CD109: variants seen among roughly 807,000 people sequenced by gnomAD.
The protein encoded by CD109 is CD109 molecule.
In CD109, 149 loss-of-function variants were observed where a neutral mutation model predicts 165.8. The ratio of observed to expected loss-of-function variants is 0.90; its 90% confidence interval spans 0.79 to 1.03. The LOEUF (loss-of-function observed/expected upper bound fraction) is 1.03. CD109 is among the 50% of genes least tolerant of loss of function. The pLI is 0.00. For synonymous variants in CD109, 585 were observed against 592.1 expected (o/e 0.99, Z 0.18); for missense variants, 1,712 against 1,677.8 (o/e 1.02, Z -0.36).
At chr6:73,681,034 A>C in the CD109 span, among the ~76,000 whole-genome samples, 67 of 152,324 alleles carry the variant, frequency 4.4e-4, no homozygotes, top group African/African-American at 1.6e-3. Flanking sequence ...AAAGGAATAC[A>C]CAGCACAGGA....
chr6:73,803,281 T>A lies in CD109; in HGVS notation c.2940T>A (p.Tyr980Ter). 1 of 1,611,398 alleles carries A rather than the reference T, an allele frequency of 6.2e-7. No homozygotes were observed. Among genetic ancestry groups the A allele is most frequent in the Non-Finnish European group, 8.5e-7 (1 of 1,179,266 alleles). ...GCTCTTTCAGTGCTTTTGGGAATTATGACCCTTCTGGGAGCACTTGGTAAG... is the reference window on the plus strand; with the variant it reads ...GCTCTTTCAGTGCTTTTGGGAATTAAGACCCTTCTGGGAGCACTTGGTAAG... ...EDGSFSAFGNYDPSGSTWLSA... is the reference protein window; with the variant it reads ...EDGSFSAFGN The change falls in exon 24 of 33, where the codon TAT (tyrosine) becomes TAA (stop). Residue 980 changes from tyrosine to a stop codon, truncating the protein, a stop_gained. Transcript: ENST00000287097. LOFTEE classifies it high-confidence loss of function.
Position 73,771,575 on chromosome 6 carries a change from G to T in CD109, c.1821G>T (p.Met607Ile). 6.5e-7 allele frequency: 1 copy of T among 1,549,500 alleles called. No individual in the cohort carries two copies. The highest frequency in any genetic ancestry group is 8.7e-7 in the Non-Finnish European group (1 of 1,151,410). ...TGAATGCCTCTAATGATATTACAATGGAAAATGTGAGTTTAGCTATTTTTT... is the reference window on the plus strand; with the variant it reads ...TGAATGCCTCTAATGATATTACAATTGAAAATGTGAGTTTAGCTATTTTTT... ...NLMNASNDIT[M>I]ENVVHELELY... Residue 607 changes from methionine to isoleucine, a missense_variant, in exon 15 of 33, where the codon ATG becomes ATT. Physicochemically the swap from Met to Ile is conservative, Grantham distance 10 (BLOSUM62 1). Transcript: ENST00000287097.
chr6:73,761,014 A>AAC (rs577598100), intron 7 of CD109, among the ~76,000 whole-genome samples: 2,528 of 124,360 alleles, frequency 0.02, 23 homozygotes, highest in South Asian at 0.026. Context: ...ACTGTGTCTA[A>AAC]ACACACACAC....
At chr6:73,798,074 T>G (rs2150279571) in intron 23 of CD109, among the ~76,000 whole-genome samples, 1 of 151,788 alleles carries the variant, frequency 6.6e-6, no homozygotes, top group Admixed American at 6.6e-5. Context: ...GTTGTTGTAT[T>G]AACAACAAAC....
rs767352449 is a variant in CD109, at chr6:73,788,454, A to AT, written c.2557-7dup. ...AGTAGAGACCATGTTAATTGTGTTCATTTTTTTCAACAGGCTGAAGGAATA... is the reference window on the plus strand; with the variant it reads ...AGTAGAGACCATGTTAATTGTGTTCATTTTTTTTCAACAGGCTGAAGGAATA... On this transcript the variant is annotated splice_polypyrimidine_tract_variant and intron_variant, in intron 21 of 32. Coordinates refer to ENST00000287097, the MANE Select transcript of CD109 (RefSeq NM_133493.5). The AT allele has an allele frequency of 1.9e-6, 3 of 1,606,694 alleles. No homozygotes were observed. Among genetic ancestry groups the AT allele is most frequent in the Non-Finnish European group, 2.5e-6 (3 of 1,177,900 alleles).
chr6:73,683,615 C>T, the CD109 span, among the ~76,000 whole-genome samples: 27 of 152,304 alleles, frequency 1.8e-4, no homozygotes, highest in East Asian at 5.0e-3. Context: ...GCAGTGCCCA[C>T]TCTACTGGTA....
intron 15 of CD109, among the ~76,000 whole-genome samples, chr6:73,778,760 A>G (rs1453870934): frequency 3.3e-5 from 5 of 151,834 alleles, no homozygotes; most frequent in Admixed American, 2.6e-4. Flanking sequence ...TAGTGGTTGC[A>G]GGTGTTTAAT....
intron 20 of CD109, among the ~76,000 whole-genome samples, chr6:73,786,388 TA>T (rs1347220775): frequency 6.6e-6 from 1 of 152,074 alleles, no homozygotes; most frequent in Admixed American, 6.5e-5. Context: ...TAATTTTTTT[TA>T]ATTTAAATTT....
chr6:73,696,161 C>G, upstream of CD109: 1 of 1,512,246 alleles, frequency 6.6e-7, no homozygotes, highest in Admixed American at 2.0e-5. Flanking sequence ...CCACACCCCA[C>G]GGTGCCCGCG....
At chr6:73,821,472 A>T (rs1776105392) in intron 32 of CD109, among the ~76,000 whole-genome samples, 1 of 152,212 alleles carries the variant, frequency 6.6e-6, no homozygotes, top group Admixed American at 6.5e-5. Context: ...TCATCGACCT[A>T]GGTGCCCATC....
At chr6:73,719,536 CTTG>C (rs1200920130) in intron 2 of CD109, among the ~76,000 whole-genome samples, 1 of 152,134 alleles carries the variant, frequency 6.6e-6, no homozygotes, top group Middle Eastern at 3.2e-3. Context: ...CTCATAGATT[CTTG>C]TTGTATTCAG....
rs2150319703 is a variant in CD109 at position 73,828,217 on chromosome 6, T to C, written c.*4584T>C. 6.5e-6 allele frequency: 1 copy of C among 154,904 alleles called. No individual in the cohort carries two copies. The highest frequency in any genetic ancestry group is 2.4e-5 in the African/African-American group (1 of 41,666). The allele number at this position is 154,904 out of a possible 1,614,324, so 9.6% of individuals were successfully genotyped here. On this transcript the variant is annotated 3_prime_UTR_variant, in exon 33 of 33. Transcript: ENST00000287097. ...ATCAAGGTGATTCTGAAAGTTTTAA[T>C]TTTTAATGTTGTAATGTTATGTTAT... is the stretch of plus-strand genomic sequence containing the variant.
chr6:73,782,978 CT>C (rs77280841), intron 18 of CD109, among the ~76,000 whole-genome samples: 1,395 of 138,692 alleles, frequency 0.01, 3 homozygotes, highest in African/African-American at 0.014. Flanking sequence ...GAAGATAGGC[CT>C]TTTTTTTTTT....
At chr6:73,768,869 A>G (rs1028948000) in intron 14 of CD109, among the ~76,000 whole-genome samples, 1 of 152,142 alleles carries the variant, frequency 6.6e-6, no homozygotes, top group African/African-American at 2.4e-5. Flanking sequence ...GTCACTAACA[A>G]CTGCTGCCCT....
Position 73,823,483 on chromosome 6 carries a change from C to A in CD109, c.4188C>A (p.Asn1396Lys). The change falls in exon 33 of 33, where the codon AAC becomes AAA. Residue 1396 changes from asparagine (N) to lysine (K), a missense_variant. By Grantham distance (94) the Asn-to-Lys change is moderately conservative (BLOSUM62 0). Transcript: ENST00000287097. ...EPRRQAVRSYNSEVKLSSCDL... is the reference protein window; with the variant it reads ...EPRRQAVRSYKSEVKLSSCDL... ...GGAGACAGGCGGTGAGAAGTTACAA[C>A]TCTGAAGTGAAGCTGTCCTCCTGTG... 1 of 1,613,082 alleles carries A rather than the reference C, an allele frequency of 6.2e-7. No individual in the cohort carries two copies. The highest frequency in any genetic ancestry group is 8.5e-7 in the Non-Finnish European group (1 of 1,179,212).
At chr6:73,789,503 G>T (rs1216025733) in intron 22 of CD109, among the ~76,000 whole-genome samples, 1 of 151,960 alleles carries the variant, frequency 6.6e-6, no homozygotes, top group East Asian at 1.9e-4. Flanking sequence ...GCCCAGGCTG[G>T]AGTGCAGTGG....
Position 73,792,616 on chromosome 6 carries a change from G to A in CD109, c.2702-10G>A, listed in dbSNP as rs764544520. On this transcript the variant is annotated splice_polypyrimidine_tract_variant and intron_variant, in intron 22 of 32. Transcript: ENST00000287097. Reference sequence around the variant, plus strand: ...ATTTACTGAATGAACTGCATGTCTTGTGCTTCCAGGAGATGTTCTTGGTCC... The same window carrying A: ...ATTTACTGAATGAACTGCATGTCTTATGCTTCCAGGAGATGTTCTTGGTCC... 1.9e-6 allele frequency: 3 copies of A among 1,611,810 alleles called. No homozygotes were observed. The highest frequency in any genetic ancestry group is 2.5e-6 in the Non-Finnish European group (3 of 1,179,722).
At chr6:73,822,715 T>C (rs1287663179) in intron 32 of CD109, among the ~76,000 whole-genome samples, 2 of 152,194 alleles carry the variant, frequency 1.3e-5, no homozygotes, top group Non-Finnish European at 2.9e-5. Flanking sequence ...AACTTACTTA[T>C]GAGGAGGCCA....
intron 2 of CD109, among the ~76,000 whole-genome samples, chr6:73,716,632 G>T (rs1220319946): frequency 2.0e-5 from 3 of 152,174 alleles, no homozygotes; most frequent in African/African-American, 7.2e-5. Context: ...TGGATTATTA[G>T]ATTTTTTCCT....
Sources: gnomAD v4.1 joint callset for allele counts (sites outside exome capture counted in the v4.1 genomes callset) on GRCh38, gnomAD v4.1.1 for gene constraint, MANE v1.5 for transcripts, NCBI Gene and HGNC (gene_info 2026-07-23, HGNC 2026-07-21) for gene names.